APP: variants seen among roughly 807,000 people sequenced by gnomAD.
APP encodes the protein amyloid-beta precursor protein.
In APP, 31 loss-of-function variants were observed where a neutral mutation model predicts 101.4. The ratio of observed to expected loss-of-function variants is 0.31; its 90% CI spans 0.23 to 0.41. The LOEUF is 0.41. Ranked by LOEUF, APP falls within the 10% of genes least tolerant of loss-of-function variation. The pLI is 1.00. For synonymous variants in APP, 366 were observed against 364.4 expected, an observed-to-expected ratio of 1.00 and a Z score of -0.05; for missense variants, 839 against 1,003.7, an observed-to-expected ratio of 0.84 and a Z score of 2.22.
chr21:26,000,301 C>G (rs2043238077), intron 6 of APP, 119 bp from the exon 7 acceptor site: 1 of 1,235,200 alleles, frequency 8.1e-7, no homozygotes, highest in Admixed American at 1.9e-5. Flanking sequence ...GTTTATTAGG[C>G]AGCATCTACC....
chr21:26,086,836 T>C (rs2061715587), intron 3 of APP, among the ~76,000 whole-genome samples: 1 of 152,208 alleles, frequency 6.6e-6, no homozygotes, highest in South Asian at 2.1e-4. Context: ...TTAAAACAAA[T>C]TTTTGTGTAT....
chr21:26,017,409 C>CA (rs373376674), intron 6 of APP, among the ~76,000 whole-genome samples: 87,013 of 110,864 alleles, frequency 0.78, 34,942 homozygotes, highest in Non-Finnish European at 0.9. Context: ...AATCCCGTGT[C>CA]AAAAAAAAAA....
intron 8 of APP, among the ~76,000 whole-genome samples, chr21:25,990,076 T>C (rs1376167386): frequency 2.0e-5 from 3 of 151,552 alleles, no homozygotes; most frequent in African/African-American, 4.9e-5. Context: ...TCCAGTGTAA[T>C]ACCAGACTCT....
chr21:26,141,184 A>G (rs1351796497), intron 1 of APP, among the ~76,000 whole-genome samples: 1 of 152,228 alleles, frequency 6.6e-6, no homozygotes, highest in Non-Finnish European at 1.5e-5. Context: ...GCAAATACCA[A>G]CGCAAAGAGT....
At chr21:26,068,659 G>A (rs536436411) in intron 3 of APP, among the ~76,000 whole-genome samples, 1 of 152,266 alleles carries the variant, frequency 6.6e-6, no homozygotes, top group South Asian at 2.1e-4. Flanking sequence ...ATGGGCCACT[G>A]AACTTGGCCC....
intron 7 of APP, among the ~76,000 whole-genome samples, chr21:25,998,556 G>A (rs1048126705): frequency 6.6e-6 from 1 of 152,064 alleles, no homozygotes; most frequent in Admixed American, 6.6e-5. Flanking sequence ...TATTAATGGT[G>A]CAGGCCCTTC....
chr21:26,052,290 T>C (rs2045868726), intron 4 of APP, among the ~76,000 whole-genome samples: 1 of 152,160 alleles, frequency 6.6e-6, no homozygotes, highest in African/African-American at 2.4e-5. Context: ...GCAGAATCTC[T>C]GGCCTCTGGG....
chr21:25,984,045 C>A (rs986850805), intron 8 of APP, among the ~76,000 whole-genome samples: 1 of 152,060 alleles, frequency 6.6e-6, no homozygotes, highest in Non-Finnish European at 1.5e-5. Flanking sequence ...AATGAGATAC[C>A]ATACCACATG....
intron 2 of APP, 102 bp downstream of exon 2, chr21:26,111,877 A>T: frequency 8.0e-7 from 1 of 1,251,590 alleles, no homozygotes; most frequent in Non-Finnish European, 1.2e-6. Flanking sequence ...CAAGATTTTT[A>T]CTGTAGGGTT....
chr21:26,016,930 T>TG (rs1277657878), intron 6 of APP, among the ~76,000 whole-genome samples: 2 of 23,544 alleles, frequency 8.5e-5, no homozygotes, highest in African/African-American at 1.9e-4. Context: ...CAGCACTTTG[T>TG]GGGGGGCGGG....
intron 1 of APP, among the ~76,000 whole-genome samples, chr21:26,129,996 A>G (rs1320988136): frequency 6.6e-6 from 1 of 152,246 alleles, no homozygotes; most frequent in Non-Finnish European, 1.5e-5. Context: ...ACAGGTAATT[A>G]ATATGATTAA....
intron 13 of APP, among the ~76,000 whole-genome samples, chr21:25,938,171 TA>T (rs1181345862): frequency 1.3e-5 from 2 of 152,222 alleles, no homozygotes; most frequent in African/African-American, 4.8e-5. Context: ...TTATCTTGGA[TA>T]AATAAAACCT....
At chr21:26,077,695 C>A (rs190919080) in intron 3 of APP, among the ~76,000 whole-genome samples, 31 of 150,936 alleles carry the variant, frequency 2.1e-4, no homozygotes, top group African/African-American at 6.3e-4. Context: ...GCTCTCCAGA[C>A]GGTTGCACAG....
chr21:26,014,479 T>A (rs2043964675), intron 6 of APP, among the ~76,000 whole-genome samples: 1 of 152,198 alleles, frequency 6.6e-6, no homozygotes. Context: ...TCCTTTATAA[T>A]TACTGATACG....
chr21:25,890,426 C>A (rs1463546769), intron 17 of APP, among the ~76,000 whole-genome samples: 3 of 152,174 alleles, frequency 2.0e-5, no homozygotes, highest in African/African-American at 7.2e-5. Context: ...CCTAGAAACA[C>A]CTGGACTTTT....
rs113367538 is a variant in APP, at chr21:26,077,990, G to A, written c.355+11953C>T. Among the ~76,000 whole-genome samples the A allele has an allele frequency of 6.4e-3, 967 of 152,172 alleles. 9 individuals carry two copies. Among genetic ancestry groups the A allele is most frequent in the African/African-American group, 0.022 (899 of 41,500 alleles). On this transcript the variant is annotated intron_variant, in intron 3 of 17. Transcript: ENST00000346798. The stretch of plus-strand genomic sequence containing the variant: ...ACTAAAATCTGAATATTTCCTAACA[G>A]CCTTTGACACTGAAATTAAAATACG...
At chr21:26,080,732 T>C (rs939903630) in intron 3 of APP, among the ~76,000 whole-genome samples, 2 of 148,352 alleles carry the variant, frequency 1.3e-5, no homozygotes, top group African/African-American at 5.0e-5. Context: ...ATCGCACCAC[T>C]GCACTCCAGC....
chr21:25,990,851 G>A lies in APP; in HGVS notation c.1090+6509C>T, dbSNP rs544322374. Among the ~76,000 whole-genome samples, 422 of 152,218 alleles carry A rather than the reference G, an allele frequency of 2.8e-3. 3 individuals carry two copies. Among genetic ancestry groups the A allele is most frequent in the African/African-American group, 9.9e-3 (411 of 41,544 alleles). The stretch of plus-strand genomic sequence containing the variant: ...TTTGCTGGTGTCTCTCAAAATACCT[G>A]GCCTCGCACATCCTGGGGTCAAAAA... On this transcript the variant is annotated intron_variant, in intron 8 of 17. Coordinates refer to ENST00000346798, the MANE Select transcript of APP (RefSeq NM_000484.4).
rs183589763 is a variant in APP, at chr21:25,947,421, T to G, written c.1687+7169A>C. ...GCATTCACACATTTGTATCTTGCTG[T>G]GTGGAGACATTTCAACATGGCAGTC... is the stretch of plus-strand genomic sequence containing the variant. On this transcript the variant is annotated intron_variant, in intron 13 of 17. Transcript: ENST00000346798. Among the ~76,000 whole-genome samples the G allele has an allele frequency of 2.2e-3, 340 of 152,334 alleles. 5 individuals are homozygous for G. The highest frequency in any genetic ancestry group is 3.4e-3 in the Middle Eastern group (1 of 294).
Sources: allele counts gnomAD v4.1 joint callset (sites outside exome capture counted in the v4.1 genomes callset), GRCh38; gene constraint gnomAD v4.1.1; transcripts MANE v1.5; gene names NCBI Gene and HGNC (gene_info 2026-07-23, HGNC 2026-07-21).